TAFA1: variants seen among roughly 807,000 people sequenced by gnomAD.
TAFA1 encodes TAFA chemokine like family member 1.
A neutral mutation model predicts 18.5 loss-of-function variants in TAFA1; 4 were observed. That is an observed-to-expected ratio of 0.22 (90% CI 0.11 to 0.49). The LOEUF (loss-of-function observed/expected upper bound fraction) is 0.49, where lower values mean the gene tolerates loss of function less well. Ranked by LOEUF, TAFA1 falls within the 20% of genes least tolerant of loss-of-function variation. The pLI is 0.98. For synonymous variants in TAFA1, 56 were observed against 55.2 expected (o/e 1.01, Z -0.06); for missense variants, 147 against 169.0 (o/e 0.87, Z 0.72).
At chr3:68,176,285 A>C (rs1185153847) in intron 2 of TAFA1, among the ~76,000 whole-genome samples, 3 of 152,172 alleles carry the variant, frequency 2.0e-5, no homozygotes, top group Non-Finnish European at 2.9e-5. Context: ...AGTTTGAGAC[A>C]AGCCTGGGCA....
At chr3:68,369,418 C>T (rs766800124) in intron 2 of TAFA1, among the ~76,000 whole-genome samples, 2 of 152,108 alleles carry the variant, frequency 1.3e-5, no homozygotes, top group African/African-American at 2.4e-5. Context: ...AGTGAATTTT[C>T]AATTTATTCT....
intron 2 of TAFA1, among the ~76,000 whole-genome samples, chr3:68,025,174 C>A (rs984369229): frequency 1.3e-5 from 2 of 152,172 alleles, no homozygotes; most frequent in Non-Finnish European, 2.9e-5. Flanking sequence ...CTAGAAATTG[C>A]CAACTACTGT....
chr3:68,013,780 A>G (rs548400557), intron 2 of TAFA1, among the ~76,000 whole-genome samples: 1 of 152,246 alleles, frequency 6.6e-6, no homozygotes, highest in Admixed American at 6.5e-5. Flanking sequence ...TTGGCCCATT[A>G]TTTCTTTCTC....
At chr3:68,524,035 A>C (rs1300855080) in intron 3 of TAFA1, among the ~76,000 whole-genome samples, 1 of 152,170 alleles carries the variant, frequency 6.6e-6, no homozygotes, top group Non-Finnish European at 1.5e-5. Flanking sequence ...TGTATAACAA[A>C]TCTCCACACA....
chr3:68,528,516 G>A (rs971385591), intron 3 of TAFA1, among the ~76,000 whole-genome samples: 1 of 152,126 alleles, frequency 6.6e-6, no homozygotes. Flanking sequence ...CTTTGATAAA[G>A]ACAATAACAC....
At chr3:68,129,646 A>G (rs1203553572) in intron 2 of TAFA1, among the ~76,000 whole-genome samples, 2 of 152,226 alleles carry the variant, frequency 1.3e-5, no homozygotes, top group African/African-American at 4.8e-5. Context: ...GTTACATATT[A>G]TAACATATTA....
At chr3:68,501,154 GAAA>G (rs57247656) in intron 3 of TAFA1, among the ~76,000 whole-genome samples, 26 of 91,608 alleles carry the variant, frequency 2.8e-4, no homozygotes, top group African/African-American at 4.2e-4. Context: ...GACCCTGTCT[GAAA>G]AAAAAAAAAA....
At chr3:68,487,278 A>G (rs1468947173) in intron 3 of TAFA1, among the ~76,000 whole-genome samples, 1 of 152,186 alleles carries the variant, frequency 6.6e-6, no homozygotes, top group East Asian at 1.9e-4. Context: ...TCTTTTTTAT[A>G]ACACACTGTA....
chr3:68,054,482 CT>C (rs764343239), intron 2 of TAFA1, among the ~76,000 whole-genome samples: 5 of 152,160 alleles, frequency 3.3e-5, no homozygotes, highest in Non-Finnish European at 7.4e-5. Context: ...CCAAATAAAC[CT>C]TTTTTCTTTA....
intron 3 of TAFA1, among the ~76,000 whole-genome samples, chr3:68,434,670 T>C (rs2071239366): frequency 6.6e-6 from 1 of 152,152 alleles, no homozygotes; most frequent in Non-Finnish European, 1.5e-5. Context: ...GTAGAATTAC[T>C]CAATATACTA....
At chr3:68,502,842 G>A in intron 3 of TAFA1, among the ~76,000 whole-genome samples, 1 of 152,086 alleles carries the variant, frequency 6.6e-6, no homozygotes, top group Non-Finnish European at 1.5e-5. Context: ...AGATTCTAAA[G>A]TATTGAAGAC....
Position 68,086,289 on chromosome 3 carries a change from C to T in TAFA1, c.118+79545C>T, listed in dbSNP as rs532999134. Among the ~76,000 whole-genome samples the T allele has an allele frequency of 5.3e-5, 8 of 152,272 alleles. No homozygotes were observed. In the Middle Eastern group the frequency reaches 0.01, roughly 194 times the overall value. On this transcript the variant is annotated intron_variant, in intron 2 of 4. Coordinates refer to ENST00000478136, the MANE Select transcript of TAFA1 (RefSeq NM_213609.4). ...TGAGCTTATCCAGGAAAGTGTCTAACCAGGGTCAGGTGTCAGTAACTGTGT... is the reference window on the plus strand; with the variant it reads ...TGAGCTTATCCAGGAAAGTGTCTAATCAGGGTCAGGTGTCAGTAACTGTGT...
At chr3:68,390,349 C>A (rs2070207202) in intron 2 of TAFA1, among the ~76,000 whole-genome samples, 1 of 152,174 alleles carries the variant, frequency 6.6e-6, no homozygotes, top group African/African-American at 2.4e-5. Context: ...AAGGGAGAAA[C>A]CCCAGTCAGG....
intron 3 of TAFA1, among the ~76,000 whole-genome samples, chr3:68,450,158 T>C (rs1031688515): frequency 1.3e-5 from 2 of 152,164 alleles, no homozygotes; most frequent in African/African-American, 4.8e-5. Flanking sequence ...TTGGAGACAA[T>C]ATAACCATGG....
intron 2 of TAFA1, among the ~76,000 whole-genome samples, chr3:68,158,394 A>G (rs1363291789): frequency 6.6e-6 from 1 of 152,028 alleles, no homozygotes; most frequent in Non-Finnish European, 1.5e-5. Flanking sequence ...GCTGGTTTCA[A>G]ATTCAACTTG....
intron 2 of TAFA1, among the ~76,000 whole-genome samples, chr3:68,382,040 G>C (rs1426836799): frequency 6.6e-6 from 1 of 152,156 alleles, no homozygotes; most frequent in African/African-American, 2.4e-5. Context: ...AGATAATCAT[G>C]TGGTTTTTGT....
At chr3:68,281,108 A>T (rs1559597543) in intron 2 of TAFA1, among the ~76,000 whole-genome samples, 1 of 152,150 alleles carries the variant, frequency 6.6e-6, no homozygotes, top group Non-Finnish European at 1.5e-5. Flanking sequence ...AATATTTTAC[A>T]ATAAGTTATC....
chr3:68,303,014 T>G (rs2068333737), intron 2 of TAFA1, among the ~76,000 whole-genome samples: 1 of 152,190 alleles, frequency 6.6e-6, no homozygotes, highest in Non-Finnish European at 1.5e-5. Flanking sequence ...CTCATAGGAT[T>G]GTTGTGATGA....
At chr3:68,436,674 T>C (rs1447279416) in intron 3 of TAFA1, among the ~76,000 whole-genome samples, 1 of 152,248 alleles carries the variant, frequency 6.6e-6, no homozygotes, top group East Asian at 1.9e-4. Context: ...TAAGGATTGC[T>C]CAGAGTTCAT....
Sources: gnomAD v4.1 joint callset for allele counts (sites outside exome capture counted in the v4.1 genomes callset) on GRCh38, gnomAD v4.1.1 for gene constraint, MANE v1.5 for transcripts, NCBI Gene and HGNC (gene_info 2026-07-23, HGNC 2026-07-21) for gene names.